TRABD2A: variants seen among roughly 807,000 people sequenced by gnomAD.
The protein encoded by TRABD2A is TraB domain containing 2A, also known as metalloprotease TIKI1.
In TRABD2A, 43 loss-of-function variants were observed where a neutral mutation model predicts 45.6. The ratio of observed to expected loss-of-function variants is 0.94; its 90% CI spans 0.74 to 1.22. The LOEUF (loss-of-function observed/expected upper bound fraction) is 1.22. TRABD2A is among the 50% of genes most tolerant of loss of function. The probability of loss-of-function intolerance (pLI) is 0.00; values close to 1 mark genes in which losing one functional copy is unlikely to be tolerated. For synonymous variants in TRABD2A, 269 were observed against 265.0 expected (o/e 1.02, Z -0.15); for missense variants, 642 against 652.4 (o/e 0.98, Z 0.17).
rs562954319 is a variant in TRABD2A, at chr2:84,824,019, C to T, written c.1268G>A (p.Arg423Gln). The stretch of plus-strand genomic sequence containing the variant: ...TCGCGGCCTCCGCTGTGACCGCCTC[C>T]GCTTCTTCCGGAACCTCTGTTCGGC... ...SEAEQRFRKK[R>Q]RRSQRRPRLR... The change falls in exon 6 of 7, where the codon CGG becomes CAG. Residue 423 changes from arginine (R) to glutamine (Q), a missense_variant. By Grantham distance (43) the Arg-to-Gln change is conservative. Coordinates refer to ENST00000409520, the MANE Select transcript of TRABD2A (RefSeq NM_001277053.2). 7 of 1,613,862 alleles carry T rather than the reference C, an allele frequency of 4.3e-6. No individual in the cohort carries two copies. The highest frequency in any genetic ancestry group is 1.1e-5 in the South Asian group (1 of 91,044).
In TRABD2A at chr2:84,855,078, C is replaced by T. The variant is rs80192469; in HGVS notation, c.670-13071G>A. On this transcript the variant is annotated intron_variant, in intron 2 of 6. Transcript: ENST00000409520. ...GTTACACCTGAGTGGACACCTGACT[C>T]GATGATATGGCACTGGCTGAATCAT... 7.2e-3 allele frequency among the ~76,000 whole-genome samples: 1,100 copies of T among 152,076 alleles called. 14 individuals carry two copies. The highest frequency in any genetic ancestry group is 0.026 in the African/African-American group (1,064 of 41,472).
intron 2 of TRABD2A, among the ~76,000 whole-genome samples, chr2:84,847,149 C>T (rs542186809): frequency 3.0e-4 from 45 of 152,328 alleles, no homozygotes; most frequent in African/African-American, 8.4e-4. Context: ...CAGGGCGGTG[C>T]TCCAAGGGAA....
At chr2:84,839,872 A>T (rs959384453) in intron 3 of TRABD2A, among the ~76,000 whole-genome samples, 1 of 152,198 alleles carries the variant, frequency 6.6e-6, no homozygotes, top group East Asian at 1.9e-4. Flanking sequence ...TCTGGTATAC[A>T]TGTTAGCCAG....
rs756928371 is a variant in TRABD2A, at chr2:84,870,369, C to A, written c.525G>T (p.Leu175=). 12 of 1,613,900 alleles carry A rather than the reference C, an allele frequency of 7.4e-6. No homozygotes were observed. Among genetic ancestry groups the A allele is most frequent in the Non-Finnish European group, 1.0e-5 (12 of 1,179,898 alleles). ...PVWVMLMVNS[L]TEVDIKSRGV... ...CACGGGACTTAATGTCCACTTCAGT[C>A]AGGGAGTTGACCATGAGCATCACCC... is the stretch of plus-strand genomic sequence containing the variant. Residue 175 remains leucine (L), a synonymous_variant, in exon 2 of 7, where the codon CTG becomes CTT. Coordinates refer to ENST00000409520, the MANE Select transcript of TRABD2A (RefSeq NM_001277053.2).
At chr2:84,842,532 C>G (rs1681746186) in intron 2 of TRABD2A, among the ~76,000 whole-genome samples, 1 of 152,112 alleles carries the variant, frequency 6.6e-6, no homozygotes, top group African/African-American at 2.4e-5. Flanking sequence ...AAATTAAACA[C>G]CAGCCTGGCC....
intron 2 of TRABD2A, among the ~76,000 whole-genome samples, chr2:84,867,291 A>C (rs550900767): frequency 1.3e-5 from 2 of 152,354 alleles, no homozygotes; most frequent in African/African-American, 4.8e-5. Flanking sequence ...ATGTGTTATA[A>C]AATCAACATG....
In TRABD2A at chr2:84,870,434, T is replaced by G; in HGVS notation, c.460A>C (p.Asn154His). Residue 154 changes from asparagine to histidine, a missense_variant, in exon 2 of 7, where the codon AAT (asparagine) becomes CAT (histidine). Coordinates refer to ENST00000409520, the MANE Select transcript of TRABD2A (RefSeq NM_001277053.2). ...GKGLYADYLF[N>H]AIAGNWERKR... ...CGCTCCCAGTTTCCGGCAATAGCAT[T>G]GAAGAGGTAGTCTGCGTAGAGCCCC... is the stretch of plus-strand genomic sequence containing the variant. 1 of 1,613,964 alleles carries G rather than the reference T, an allele frequency of 6.2e-7. No homozygotes were observed. The highest frequency in any genetic ancestry group is 8.5e-7 in the Non-Finnish European group (1 of 1,179,878).
At position 84,821,953 on chromosome 2, in the gene TRABD2A, C is replaced by T; in HGVS notation, c.1482G>A (p.Leu494=). 1 of 1,604,870 alleles carries T rather than the reference C, an allele frequency of 6.2e-7. No individual in the cohort carries two copies. ...LSLWTPVFWV[L]VLAFQTETPL... ...GTGTCTCTGTTTGGAAAGCCAGCAC[C>T]AGCACCCAGAACACAGGAGTCCAGA... is the stretch of plus-strand genomic sequence containing the variant. Residue 494 remains leucine, a synonymous_variant, in exon 7 of 7, where the codon CTG becomes CTA. Transcript: ENST00000409520.
intron 2 of TRABD2A, among the ~76,000 whole-genome samples, chr2:84,855,089 C>T (rs1452238432): frequency 6.6e-6 from 1 of 152,124 alleles, no homozygotes; most frequent in Non-Finnish European, 1.5e-5. Flanking sequence ...GATGATATGG[C>T]ACTGGCTGAA....
intron 3 of TRABD2A, among the ~76,000 whole-genome samples, chr2:84,840,283 T>C (rs538008628): frequency 5.3e-5 from 8 of 151,496 alleles, no homozygotes; most frequent in Non-Finnish European, 1.0e-4. Flanking sequence ...CTCTGTCATC[T>C]TTTTTTTTAA....
intron 2 of TRABD2A, among the ~76,000 whole-genome samples, chr2:84,853,894 C>T (rs1682182625): frequency 1.3e-5 from 2 of 152,262 alleles, no homozygotes; most frequent in Admixed American, 6.5e-5. Flanking sequence ...GTGGCGCACA[C>T]CTGTGGTCCC....
chr2:84,828,944 G>T (rs2105372036), intron 5 of TRABD2A, among the ~76,000 whole-genome samples: 1 of 152,272 alleles, frequency 6.6e-6, no homozygotes, highest in Admixed American at 6.5e-5. Context: ...AGTGTGGGTA[G>T]GGAAAGGATC....
chr2:84,822,155 C>T (rs1681022092), intron 6 of TRABD2A, 55 bp from the exon 7 acceptor site: 26 of 1,436,992 alleles, frequency 1.8e-5, no homozygotes, highest in Non-Finnish European at 2.0e-5. Context: ...CCACTGCACA[C>T]GCCAAGGCCC....
intron 1 of TRABD2A, among the ~76,000 whole-genome samples, chr2:84,876,541 G>C (rs1342639918): frequency 2.0e-5 from 3 of 152,216 alleles, no homozygotes; most frequent in Admixed American, 6.5e-5. Flanking sequence ...CAACACTGAA[G>C]TCACTAGGGA....
At chr2:84,829,917 TACAC>T (rs1220808395) in intron 5 of TRABD2A, among the ~76,000 whole-genome samples, 1 of 144,818 alleles carries the variant, frequency 6.9e-6, no homozygotes, top group Non-Finnish European at 1.5e-5. Flanking sequence ...CCACACTAGA[TACAC>T]ACCACACAAA....
At chr2:84,836,273 T>C (rs966251976) in intron 4 of TRABD2A, 9 of 152,270 alleles carry the variant, frequency 5.9e-5, no homozygotes, top group African/African-American at 1.9e-4. Context: ...CAAATTCTAT[T>C]CAGCTCACAT....
intron 2 of TRABD2A, among the ~76,000 whole-genome samples, chr2:84,866,823 G>A (rs1020629330): frequency 4.6e-5 from 7 of 152,198 alleles, no homozygotes; most frequent in South Asian, 2.1e-4. Context: ...GGCGGCTCAC[G>A]CCTGTAATCG....
At chr2:84,822,156 G>A (rs141418106) in intron 6 of TRABD2A, 56 bp from the exon 7 acceptor site, 18 of 1,434,836 alleles carry the variant, frequency 1.3e-5, no homozygotes, top group South Asian at 3.0e-5. Context: ...CACTGCACAC[G>A]CCAAGGCCCC....
chr2:84,858,744 C>T (rs1344058878), intron 2 of TRABD2A, among the ~76,000 whole-genome samples: 1 of 152,188 alleles, frequency 6.6e-6, no homozygotes, highest in African/African-American at 2.4e-5. Flanking sequence ...CAAAGCTGCA[C>T]CACACATGGT....
Sources: gnomAD v4.1 joint callset for allele counts (sites outside exome capture counted in the v4.1 genomes callset) on GRCh38, gnomAD v4.1.1 for gene constraint, MANE v1.5 for transcripts, NCBI Gene and HGNC (gene_info 2026-07-23, HGNC 2026-07-21) for gene names.